PARD3: variants seen among roughly 807,000 people sequenced by gnomAD.
PARD3 encodes the protein par-3 family cell polarity regulator.
A neutral mutation model predicts 155.4 loss-of-function variants in PARD3; 75 were observed. The observed-to-expected ratio is 0.48, with a 90% CI of 0.40 to 0.58. The LOEUF (loss-of-function observed/expected upper bound fraction) is 0.58, where lower values mean the gene tolerates loss of function less well. PARD3 is among the 20% of genes least tolerant of loss of function. PARD3 has a pLI of 0.00. For synonymous variants in PARD3, 576 were observed against 610.5 expected, an observed-to-expected ratio of 0.94 and a Z score of 0.83; for missense variants, 1,642 against 1,721.7, an observed-to-expected ratio of 0.95 and a Z score of 0.82.
At chr10:34,521,606 T>C (rs1482772307) in intron 2 of PARD3, among the ~76,000 whole-genome samples, 1 of 152,178 alleles carries the variant, frequency 6.6e-6, no homozygotes, top group Non-Finnish European at 1.5e-5. Flanking sequence ...CAAGTCTCCA[T>C]GAGAAAAGAC....
At chr10:34,504,240 T>A (rs1231558948) in intron 3 of PARD3, among the ~76,000 whole-genome samples, 3 of 152,004 alleles carry the variant, frequency 2.0e-5, no homozygotes, top group Non-Finnish European at 4.4e-5. Context: ...ACGAGCCACT[T>A]GCCTTGGCCT....
intron 2 of PARD3, among the ~76,000 whole-genome samples, chr10:34,536,611 C>T (rs962338278): frequency 5.3e-5 from 8 of 152,116 alleles, no homozygotes; most frequent in Non-Finnish European, 1.5e-5. Flanking sequence ...TCCCAAAAAC[C>T]ATCACGTTTT....
intron 21 of PARD3, among the ~76,000 whole-genome samples, chr10:34,280,837 T>C (rs1956122036): frequency 6.6e-6 from 1 of 152,208 alleles, no homozygotes; most frequent in East Asian, 1.9e-4. Context: ...GGTGACTCTC[T>C]GTTCCTATCT....
At chr10:34,236,671 G>A (rs1460206440) in intron 22 of PARD3, among the ~76,000 whole-genome samples, 2 of 152,092 alleles carry the variant, frequency 1.3e-5, no homozygotes, top group Middle Eastern at 6.3e-3. Context: ...TACTCAAGAC[G>A]GAAAACGTTA....
At chr10:34,228,190 A>T (rs1486039863) in intron 22 of PARD3, among the ~76,000 whole-genome samples, 1 of 151,936 alleles carries the variant, frequency 6.6e-6, no homozygotes, top group Non-Finnish European at 1.5e-5. Context: ...GTTCTCAATT[A>T]TAAGTGGGAG....
intron 22 of PARD3, among the ~76,000 whole-genome samples, chr10:34,154,193 G>C (rs1356870025): frequency 1.3e-5 from 2 of 152,202 alleles, no homozygotes; most frequent in African/African-American, 2.4e-5. Flanking sequence ...CTGATGAACA[G>C]ACTTTGCTAC....
chr10:34,609,020 AAC>A (rs1303661934), intron 2 of PARD3, among the ~76,000 whole-genome samples: 2 of 152,244 alleles, frequency 1.3e-5, no homozygotes, highest in African/African-American at 4.8e-5. Context: ...CTGACTAGAT[AAC>A]CCCTGTTAAC....
At chr10:34,493,015 A>G (rs1157941027) in intron 3 of PARD3, among the ~76,000 whole-genome samples, 2 of 152,348 alleles carry the variant, frequency 1.3e-5, no homozygotes, top group East Asian at 3.9e-4. Context: ...TTGTATATCC[A>G]CAAAGCAAGA....
intron 2 of PARD3, among the ~76,000 whole-genome samples, chr10:34,639,166 C>T (rs902634728): frequency 6.6e-6 from 1 of 152,110 alleles, no homozygotes; most frequent in Admixed American, 6.5e-5. Context: ...GAGGCCTAGG[C>T]AGATGGATCA....
intron 1 of PARD3, among the ~76,000 whole-genome samples, chr10:34,705,835 A>T (rs1056143145): frequency 6.6e-6 from 1 of 152,196 alleles, no homozygotes; most frequent in Non-Finnish European, 1.5e-5. Context: ...CATTTATCTC[A>T]TCAATCAAAA....
intron 22 of PARD3, among the ~76,000 whole-genome samples, chr10:34,197,649 C>G (rs563860478): frequency 1.3e-5 from 2 of 152,322 alleles, no homozygotes; most frequent in Admixed American, 6.5e-5. Flanking sequence ...GTATTTTTAA[C>G]ACAAGGTAAC....
At chr10:34,236,434 T>C (rs1953238833) in intron 22 of PARD3, among the ~76,000 whole-genome samples, 1 of 152,182 alleles carries the variant, frequency 6.6e-6, no homozygotes, top group Admixed American at 6.5e-5. Flanking sequence ...CGTAACACAT[T>C]TGTGTCAATA....
chr10:34,271,165 A>G, intron 21 of PARD3, among the ~76,000 whole-genome samples: 1 of 152,174 alleles, frequency 6.6e-6, no homozygotes, highest in East Asian at 1.9e-4. Context: ...CTGCTAGCAA[A>G]AACAATACAT....
chr10:34,789,661 A>G (rs759117308), intron 1 of PARD3, among the ~76,000 whole-genome samples: 2 of 152,094 alleles, frequency 1.3e-5, no homozygotes, highest in Non-Finnish European at 2.9e-5. Context: ...CTCTGATAGC[A>G]CCACTGCACT....
intron 22 of PARD3, among the ~76,000 whole-genome samples, chr10:34,198,655 A>C (rs1027920493): frequency 2.2e-4 from 34 of 152,186 alleles, no homozygotes; most frequent in African/African-American, 8.0e-4. Context: ...TTTTGATAGA[A>C]AATTTTCACT....
In PARD3 at chr10:34,714,147, A is replaced by C. The variant is rs78531756; in HGVS notation, c.121-17728T>G. Among the ~76,000 whole-genome samples, 5 of 152,296 alleles carry C rather than the reference A, an allele frequency of 3.3e-5. No individual in the cohort carries two copies. The East Asian group carries it at 9.6e-4, about 29-fold the overall frequency. ...TAAATTCCAAATGGCTCTGAATCCT[A>C]AACAAAAACTTGACCCCGAAGTAGC... On this transcript the variant is annotated intron_variant, in intron 1 of 24. Transcript: ENST00000374788.
intron 12 of PARD3, among the ~76,000 whole-genome samples, chr10:34,364,952 A>G (rs1193142819): frequency 6.6e-6 from 1 of 152,238 alleles, no homozygotes; most frequent in Non-Finnish European, 1.5e-5. Context: ...CTTCAAATTA[A>G]TGATATCCAA....
intron 22 of PARD3, among the ~76,000 whole-genome samples, chr10:34,134,239 A>G (rs1193556861): frequency 6.6e-6 from 1 of 152,230 alleles, no homozygotes; most frequent in African/African-American, 2.4e-5. Flanking sequence ...CAAAAGAGAC[A>G]GGAAAGTGGG....
intron 22 of PARD3, among the ~76,000 whole-genome samples, chr10:34,261,697 A>AAGAAAGAAAGG (rs1564527793): frequency 8.6e-6 from 1 of 116,852 alleles, no homozygotes; most frequent in African/African-American, 5.1e-5. Flanking sequence ...TCAAAGAAAG[A>AAGAAAGAAAGG]AAGGAAGAAA....
Sources: allele counts gnomAD v4.1 joint callset (sites outside exome capture counted in the v4.1 genomes callset), GRCh38; gene constraint gnomAD v4.1.1; transcripts MANE v1.5; gene names NCBI Gene and HGNC (gene_info 2026-07-23, HGNC 2026-07-21).